ROBO2: variants seen among roughly 807,000 people sequenced by gnomAD.
ROBO2 encodes the protein roundabout guidance receptor 2, also known as roundabout homolog 2.
Under a neutral mutation model 160.8 loss-of-function variants are expected in ROBO2, and 53 were observed. That is an observed-to-expected ratio of 0.33 (90% CI 0.26 to 0.41). ROBO2 has a LOEUF of 0.41. ROBO2 is among the 10% of genes least tolerant of loss of function. The probability of loss-of-function intolerance (pLI) is 1.00; values close to 1 mark genes in which losing one functional copy is unlikely to be tolerated. For synonymous variants in ROBO2, 664 were observed against 611.7 expected (o/e 1.09, Z -1.26); for missense variants, 1,577 against 1,722.4 (o/e 0.92, Z 1.49).
chr3:76,459,500 T>C (rs2077969360), intron 2 of ROBO2, among the ~76,000 whole-genome samples: 1 of 152,200 alleles, frequency 6.6e-6, no homozygotes. Flanking sequence ...TTCTTACATC[T>C]TTTTTCTTTA....
chr3:76,410,049 A>G (rs1036468980), intron 2 of ROBO2, among the ~76,000 whole-genome samples: 1 of 152,110 alleles, frequency 6.6e-6, no homozygotes, highest in Admixed American at 6.6e-5. Flanking sequence ...TTGTTTTCGC[A>G]TGCATGTTTT....
At chr3:77,049,659 T>C (rs2065023182) in intron 1 of ROBO2, among the ~76,000 whole-genome samples, 2 of 152,192 alleles carry the variant, frequency 1.3e-5, no homozygotes, top group Admixed American at 1.3e-4. Flanking sequence ...AACATGGAAA[T>C]TTTAGCTCAG....
At chr3:75,992,592 G>A (rs970167868) in intron 2 of ROBO2, among the ~76,000 whole-genome samples, 6 of 152,202 alleles carry the variant, frequency 3.9e-5, no homozygotes, top group Non-Finnish European at 7.3e-5. Flanking sequence ...GAAATGTGGA[G>A]TTGGAGCCCC....
chr3:76,447,109 A>G (rs1450182180), intron 2 of ROBO2, among the ~76,000 whole-genome samples: 2 of 152,220 alleles, frequency 1.3e-5, no homozygotes, highest in East Asian at 1.9e-4. Flanking sequence ...CAGGCAGCCT[A>G]CAGAATGGGA....
At position 76,685,264 on chromosome 3, in the gene ROBO2, G is replaced by C. The variant is rs932211205; in HGVS notation, c.110-412750G>C. Among the ~76,000 whole-genome samples, 4 of 149,608 alleles carry C rather than the reference G, an allele frequency of 2.7e-5. No homozygotes were observed. In the Admixed American group the frequency reaches 2.7e-4, roughly 10 times the overall value. The stretch of plus-strand genomic sequence containing the variant: ...AAAGTATCTGGGACAAAGAAAGACA[G>C]TCGAGGTTTTGAAGCACAATGGGGA... On this transcript the variant is annotated intron_variant, in intron 2 of 26. Coordinates refer to the ROBO2 transcript ENST00000487694.
intron 2 of ROBO2, among the ~76,000 whole-genome samples, chr3:76,776,356 A>T (rs1208695005): frequency 6.6e-6 from 1 of 151,050 alleles, no homozygotes; most frequent in Non-Finnish European, 1.5e-5. Flanking sequence ...ATGTTTTTAA[A>T]TTTCTTAAAT....
chr3:76,484,334 A>G (rs2079375101), intron 2 of ROBO2, among the ~76,000 whole-genome samples: 1 of 152,178 alleles, frequency 6.6e-6, no homozygotes, highest in African/African-American at 2.4e-5. Context: ...TGTAAAATAT[A>G]TGTGCTTTTA....
chr3:77,016,193 G>T (rs1221653635), intron 2 of ROBO2, among the ~76,000 whole-genome samples: 2 of 152,172 alleles, frequency 1.3e-5, no homozygotes, highest in African/African-American at 4.8e-5. Flanking sequence ...AGCCAGGATG[G>T]TCTCCATCTC....
intron 2 of ROBO2, among the ~76,000 whole-genome samples, chr3:76,032,343 T>C (rs2066951835): frequency 6.6e-6 from 1 of 152,190 alleles, no homozygotes; most frequent in African/African-American, 2.4e-5. Flanking sequence ...GGGTTTTTTG[T>C]GTCTTTATCT....
intron 2 of ROBO2, among the ~76,000 whole-genome samples, chr3:76,852,462 G>T (rs2069510077): frequency 6.6e-6 from 1 of 152,062 alleles, no homozygotes; most frequent in Non-Finnish European, 1.5e-5. Context: ...CTAGCCGTGT[G>T]GTAATTATGT....
At chr3:77,217,166 G>A (rs1365202555) in intron 2 of ROBO2, among the ~76,000 whole-genome samples, 1 of 146,832 alleles carries the variant, frequency 6.8e-6, no homozygotes, top group Non-Finnish European at 1.5e-5. Flanking sequence ...TTTCTTTTCT[G>A]GAGTCTCACT....
intron 2 of ROBO2, among the ~76,000 whole-genome samples, chr3:76,223,641 T>C (rs1418538971): frequency 6.6e-6 from 1 of 152,172 alleles, no homozygotes; most frequent in Non-Finnish European, 1.5e-5. Context: ...GTACAACTTG[T>C]ATTGCAATTA....
intron 2 of ROBO2, among the ~76,000 whole-genome samples, chr3:76,831,773 A>AT (rs2067118114): frequency 6.6e-6 from 1 of 152,176 alleles, no homozygotes; most frequent in African/African-American, 2.4e-5. Context: ...TATTTTAAAC[A>AT]TTGTAGGATA....
chr3:76,927,097 G>A (rs2077036867), intron 2 of ROBO2, among the ~76,000 whole-genome samples: 1 of 151,964 alleles, frequency 6.6e-6, no homozygotes, highest in South Asian at 2.1e-4. Context: ...CTGAGCTCTG[G>A]GCTGTTATTT....
At chr3:76,357,394 A>G (rs528093660) in intron 2 of ROBO2, among the ~76,000 whole-genome samples, 10 of 152,124 alleles carry the variant, frequency 6.6e-5, no homozygotes, top group Admixed American at 2.0e-4. Context: ...GGAACATGCA[A>G]CAATATCGAT....
chr3:76,850,386 G>A (rs2069221885), intron 2 of ROBO2, among the ~76,000 whole-genome samples: 1 of 152,128 alleles, frequency 6.6e-6, no homozygotes, highest in African/African-American at 2.4e-5. Flanking sequence ...TGCTCCATCA[G>A]TATCCCGTGA....
At chr3:76,742,537 A>G (rs1161968575) in intron 2 of ROBO2, among the ~76,000 whole-genome samples, 1 of 152,270 alleles carries the variant, frequency 6.6e-6, no homozygotes. Flanking sequence ...AGGTAAGAGC[A>G]TATTTCACCT....
chr3:77,138,164 G>A (rs1295916630), intron 2 of ROBO2, among the ~76,000 whole-genome samples: 1 of 152,076 alleles, frequency 6.6e-6, no homozygotes, highest in East Asian at 1.9e-4. Flanking sequence ...AGCACTATAA[G>A]CAATTTTAGT....
chr3:76,343,789 T>C (rs2074370057), intron 2 of ROBO2, among the ~76,000 whole-genome samples: 1 of 152,050 alleles, frequency 6.6e-6, no homozygotes, highest in Admixed American at 6.6e-5. Context: ...AATGAATTTA[T>C]TTTTTGAGCA....
Sources: allele counts gnomAD v4.1 joint callset (sites outside exome capture counted in the v4.1 genomes callset), GRCh38; gene constraint gnomAD v4.1.1; transcripts MANE v1.5; gene names NCBI Gene and HGNC (gene_info 2026-07-23, HGNC 2026-07-21).